KIRREL1: variants seen among roughly 807,000 people sequenced by gnomAD.
KIRREL1 encodes kirre like nephrin family adhesion molecule 1.
A neutral mutation model predicts 83.3 loss-of-function variants in KIRREL1; 25 were observed. The ratio of observed to expected loss-of-function variants is 0.30; its 90% confidence interval spans 0.22 to 0.42. The LOEUF is 0.42. Ranked by LOEUF, KIRREL1 falls within the 10% of genes least tolerant of loss-of-function variation. The pLI is 1.00. For synonymous variants in KIRREL1, 388 were observed against 410.4 expected (o/e 0.95, Z 0.66); for missense variants, 812 against 1,032.3 (o/e 0.79, Z 2.92).
chr1:157,994,429 AGG>A (rs1251579527), intron 1 of KIRREL1, among the ~76,000 whole-genome samples: 1 of 85,756 alleles, frequency 1.2e-5, no homozygotes, highest in Non-Finnish European at 2.6e-5. Flanking sequence ...CGGTGGGGGG[AGG>A]GGGCTGACAC....
chr1:157,999,977 CAGGGATCCAA>C (rs1659310791), intron 1 of KIRREL1, among the ~76,000 whole-genome samples: 1 of 151,706 alleles, frequency 6.6e-6, no homozygotes, highest in African/African-American at 2.4e-5. Flanking sequence ...GATGGACAAA[CAGGGATCCAA>C]AGAAGTTAAG....
intron 1 of KIRREL1, among the ~76,000 whole-genome samples, chr1:158,041,497 A>G (rs112669529): frequency 0.011 from 1,721 of 152,320 alleles, 29 homozygotes; most frequent in South Asian, 0.06. Context: ...GTCCCTCTGA[A>G]GGTGCTGAGG....
intron 1 of KIRREL1, among the ~76,000 whole-genome samples, chr1:158,026,249 A>G (rs1660166879): frequency 6.6e-6 from 1 of 152,162 alleles, no homozygotes; most frequent in African/African-American, 2.4e-5. Flanking sequence ...AGAGGCACAG[A>G]AAGCACACCA....
At chr1:158,055,276 CT>C (rs1185218869) in intron 1 of KIRREL1, among the ~76,000 whole-genome samples, 2 of 152,086 alleles carry the variant, frequency 1.3e-5, no homozygotes, top group African/African-American at 4.8e-5. Context: ...CTGACTTTCG[CT>C]GTCATGATTA....
intron 2 of KIRREL1, 123 bp downstream of exon 2, chr1:158,076,385 T>C: frequency 1.2e-6 from 1 of 840,674 alleles, no homozygotes; most frequent in Non-Finnish European, 1.9e-6. Flanking sequence ...TGCCACAGCC[T>C]CCCCTCTGTC....
chr1:158,088,166 G>C lies in KIRREL1; in HGVS notation c.916+12G>C. The C allele has an allele frequency of 6.2e-7, 1 of 1,614,194 alleles. No individual in the cohort carries two copies. The highest frequency in any genetic ancestry group is 8.5e-7 in the Non-Finnish European group (1 of 1,180,036). ...AGTAAATGTCCACTGTGAGTAGCTG[G>C]GAGGGCAGGGACGGGGACAGAGAGC... is the stretch of plus-strand genomic sequence containing the variant. On this transcript the variant is annotated intron_variant, in intron 7 of 14. Coordinates refer to ENST00000359209, the MANE Select transcript of KIRREL1 (RefSeq NM_018240.7).
At chr1:158,078,235 C>A in intron 3 of KIRREL1, 95 bp downstream of exon 3, 3 of 1,341,212 alleles carry the variant, frequency 2.2e-6, no homozygotes, top group Non-Finnish European at 2.1e-6. Flanking sequence ...AATTTCCCAG[C>A]TTCTCCCTCT....
intron 1 of KIRREL1, among the ~76,000 whole-genome samples, chr1:158,007,755 A>G (rs1364889873): frequency 1.3e-5 from 2 of 151,836 alleles, no homozygotes; most frequent in African/African-American, 4.8e-5. Context: ...TAGGACAACT[A>G]TGGCCCGGAG....
chr1:158,083,176 T>G (rs6695790), intron 3 of KIRREL1, among the ~76,000 whole-genome samples: 73,679 of 152,050 alleles, frequency 0.48, 18,716 homozygotes, highest in East Asian at 0.76. Context: ...TCAATTGAAT[T>G]CTTTAAACAT....
At chr1:158,071,105 C>T (rs7528866) in intron 1 of KIRREL1, among the ~76,000 whole-genome samples, 46,008 of 151,954 alleles carry the variant, frequency 0.3, 7,213 homozygotes, top group Non-Finnish European at 0.34. Flanking sequence ...TGCTTTGCCT[C>T]GGGTTTCTAT....
rs369820769 is a variant in KIRREL1 at position 158,094,401 on chromosome 1, G to C, written c.1797+11G>C. ...GAGTATGAGATGAAGGTGGGAAAGG[G>C]GGAAGGGGCCAGGGCATGAGGGCTG... On this transcript the variant is annotated intron_variant, in intron 14 of 14. Coordinates refer to ENST00000359209, the MANE Select transcript of KIRREL1 (RefSeq NM_018240.7). This position sits in a 1 kb window ranked among gnomAD's most constrained non-coding sequence, Gnocchi z 4.6. 6.8e-6 allele frequency: 11 copies of C among 1,612,020 alleles called. No homozygotes were observed. In the African/African-American group the frequency reaches 1.2e-4, roughly 18 times the overall value.
At chr1:158,076,364 A>C (rs1570982634) in intron 2 of KIRREL1, 102 bp downstream of exon 2, 3 of 1,043,082 alleles carry the variant, frequency 2.9e-6, no homozygotes, top group Non-Finnish European at 2.9e-6. Context: ...TTCCCTCACC[A>C]CCCTCCTCTG....
chr1:158,058,773 C>A (rs1440389031), intron 1 of KIRREL1, among the ~76,000 whole-genome samples: 1 of 152,158 alleles, frequency 6.6e-6, no homozygotes, highest in Non-Finnish European at 1.5e-5. Flanking sequence ...ATGCTTCATC[C>A]CCTGGGGAGA....
chr1:158,042,212 G>GGTGTGTGTGTGT (rs10577493), intron 1 of KIRREL1, among the ~76,000 whole-genome samples: 14 of 137,738 alleles, frequency 1.0e-4, no homozygotes, highest in African/African-American at 3.0e-4. Context: ...TCTTCTCCAG[G>GGTGTGTGTGTGT]GTGTGTGTGT....
At chr1:158,032,968 AC>A (rs1031236978) in intron 1 of KIRREL1, among the ~76,000 whole-genome samples, 1 of 152,046 alleles carries the variant, frequency 6.6e-6, no homozygotes, top group Non-Finnish European at 1.5e-5. Context: ...ACGCGGTTTC[AC>A]CATGTTGGCC....
At chr1:158,088,604 C>T in intron 8 of KIRREL1, 150 bp downstream of exon 8, 1 of 613,778 alleles carries the variant, frequency 1.6e-6, no homozygotes, top group Non-Finnish European at 2.5e-6. Context: ...CCTGCCTCAG[C>T]CTCCCGAGTA....
chr1:158,088,799 A>G (rs535685014), intron 8 of KIRREL1, among the ~76,000 whole-genome samples: 1 of 152,098 alleles, frequency 6.6e-6, no homozygotes, highest in East Asian at 1.9e-4. Flanking sequence ...GCGTGTTCTG[A>G]ATGCTGGGAG....
chr1:158,028,658 T>C (rs572692026), intron 1 of KIRREL1, among the ~76,000 whole-genome samples: 2 of 152,354 alleles, frequency 1.3e-5, no homozygotes, highest in South Asian at 2.1e-4. Context: ...TTTTCAATTA[T>C]TTTTTCTATT....
Position 158,036,896 on chromosome 1 carries a change from A to T in KIRREL1, c.53-39217A>T, listed in dbSNP as rs112430128. On this transcript the variant is annotated intron_variant, in intron 1 of 14. Transcript: ENST00000359209. ...CGTTAGACAGGAGTGAGGACGGCCG[A>T]TAGCTGGGCTGTGGGCTTTAATCAG... Among the ~76,000 whole-genome samples the T allele has an allele frequency of 5.6e-3, 858 of 152,308 alleles. 2 individuals carry two copies. The highest frequency in any genetic ancestry group is 0.012 in the African/African-American group (515 of 41,564).
Sources: allele counts gnomAD v4.1 joint callset (sites outside exome capture counted in the v4.1 genomes callset), GRCh38; gene constraint gnomAD v4.1.1; non-coding constraint Gnocchi (gnomAD v3.1); transcripts MANE v1.5; gene names NCBI Gene and HGNC (gene_info 2026-07-23, HGNC 2026-07-21).